The following LITAF variants were observed in gnomAD, a reference collection of about 807,000 sequenced individuals.
The protein encoded by LITAF is lipopolysaccharide induced TNF factor, also known as lipopolysaccharide-induced tumor necrosis factor-alpha factor.
In LITAF, 9 loss-of-function variants were observed where a neutral mutation model predicts 14.5. The ratio of observed to expected loss-of-function variants is 0.62; its 90% confidence interval spans 0.37 to 1.08. The LOEUF (loss-of-function observed/expected upper bound fraction) is 1.08. Ranked by LOEUF, LITAF falls within the 50% of genes least tolerant of loss-of-function variation. The pLI is 0.01. For synonymous variants in LITAF, 98 were observed against 88.2 expected (o/e 1.11, Z -0.62); for missense variants, 206 against 213.4 (o/e 0.97, Z 0.22).
chr16:11,637,479 T>TG (rs2065142441), upstream of LITAF, among the ~76,000 whole-genome samples: 1 of 152,222 alleles, frequency 6.6e-6, no homozygotes, highest in Non-Finnish European at 1.5e-5. Flanking sequence ...TGCTGGCAGC[T>TG]GGGGACCTGG....
chr16:11,620,835 G>A (rs1313150028), intron 3 of LITAF, among the ~76,000 whole-genome samples: 1 of 152,198 alleles, frequency 6.6e-6, no homozygotes, highest in Non-Finnish European at 1.5e-5. Context: ...TCATGGCCCT[G>A]CCCACATCTC....
Position 11,596,452 on chromosome 16 carries a change from A to AGAGGAG in LITAF, c.-6+1930_-6+1935dup, listed in dbSNP as rs75949027. ...ATCTGATGCAGAATGAAATCCCAAT[A>AGAGGAG]GAGGAGGAGGAGGAGGAAGAGAGAA... On this transcript the variant is annotated intron_variant, in intron 1 of 3. Transcript: ENST00000571627. Among the ~76,000 whole-genome samples the AGAGGAG allele has an allele frequency of 4.9e-3, 396 of 80,386 alleles. 10 individuals carry two copies. The highest frequency in any genetic ancestry group is 0.024 in the African/African-American group (362 of 15,216). 52.7% of individuals were successfully genotyped at this position (80,386 alleles called of 152,430 possible). A position where few individuals can be genotyped will look rare whatever the true frequency, so the allele number is the denominator to read the frequency against.
intron 1 of LITAF, among the ~76,000 whole-genome samples, chr16:11,598,193 C>T (rs867407795): frequency 4.6e-5 from 7 of 151,984 alleles, no homozygotes; most frequent in Admixed American, 1.3e-4. Context: ...CCTCTGTGCC[C>T]GGCCAAAAGC....
At chr16:11,639,358 G>A (rs2065155243), upstream of LITAF, among the ~76,000 whole-genome samples, 1 of 145,864 alleles carries the variant, frequency 6.9e-6, no homozygotes, top group Admixed American at 7.0e-5. Flanking sequence ...TTAGTGGGGG[G>A]AAGAATAAAT....
exon 1 of LITAF, chr16:11,598,420 T>C (rs1333918323): frequency 2.0e-5 from 3 of 152,228 alleles, no homozygotes; most frequent in Admixed American, 6.6e-5. Flanking sequence ...TTCCCGAAAT[T>C]TGAACCTCCA....
chr16:11,559,790 T>C (rs914144203), intron 1 of LITAF, among the ~76,000 whole-genome samples: 3 of 148,500 alleles, frequency 2.0e-5, no homozygotes, highest in South Asian at 2.1e-4. Context: ...AGCCCAGGCA[T>C]TCTAGATCAG....
intron 1 of LITAF, among the ~76,000 whole-genome samples, chr16:11,562,341 A>G (rs1366718678): frequency 1.3e-5 from 2 of 148,962 alleles, no homozygotes. Context: ...AAAAAAAAGA[A>G]GGAAGAAAAG....
Position 11,580,536 on chromosome 16 carries a change from G to A in LITAF, c.-6+6350C>T, listed in dbSNP as rs142687005. Among the ~76,000 whole-genome samples the A allele has an allele frequency of 1.9e-3, 292 of 152,168 alleles. 1 individual carries two copies. The highest frequency in any genetic ancestry group is 6.6e-3 in the African/African-American group (274 of 41,530). Reference sequence around the variant, plus strand: ...CTCCCAAAGTGCTGGTATTACAGGCGTGAGCCACCGTGCCTGGCTGGAAGA... The same window carrying A: ...CTCCCAAAGTGCTGGTATTACAGGCATGAGCCACCGTGCCTGGCTGGAAGA... On this transcript the variant is annotated intron_variant, in intron 1 of 3. Transcript: ENST00000622633.
chr16:11,636,499 T>C (rs1207325799), upstream of LITAF: 8 of 152,266 alleles, frequency 5.3e-5, no homozygotes, highest in African/African-American at 1.9e-4. Context: ...GAAGAACTGG[T>C]TAGGACTAGG....
chr16:11,574,999 C>T (rs1298484191), intron 1 of LITAF, among the ~76,000 whole-genome samples: 1 of 152,126 alleles, frequency 6.6e-6, no homozygotes, highest in Non-Finnish European at 1.5e-5. Flanking sequence ...GACAGGGTTT[C>T]ACCATGTTGG....
At chr16:11,585,093 C>A (rs55947021) in intron 1 of LITAF, among the ~76,000 whole-genome samples, 23,146 of 151,742 alleles carry the variant, frequency 0.15, 1,913 homozygotes, top group South Asian at 0.23. Flanking sequence ...CTGTAATCCC[C>A]GCTACTTGGG....
At chr16:11,587,350 C>T (rs1208477815), upstream of LITAF, 1 of 451,822 alleles carries the variant, frequency 2.2e-6, no homozygotes, top group Non-Finnish European at 4.4e-6. Context: ...CGACCCCGGA[C>T]CCGCGCTGGG....
At chr16:11,556,831 A>C (rs2064278791) in intron 1 of LITAF, 96 bp from the exon 2 acceptor site, 1 of 1,097,612 alleles carries the variant, frequency 9.1e-7, no homozygotes, top group African/African-American at 1.5e-5. Context: ...GCAAACAGAA[A>C]TTCTGAGAAA....
chr16:11,553,832 G>T lies in LITAF; in HGVS notation c.221-143C>A. ...GTTCATAGCATGCGTTCATCGTCTG[G>T]CTATCTATGAGAGCCAAAAGGGGAA... On this transcript the variant is annotated intron_variant, in intron 2 of 3. Transcript: ENST00000622633. This position sits in a 1 kb window ranked among gnomAD's most constrained non-coding sequence, Gnocchi z 7.7. The T allele has an allele frequency of 2.1e-6, 2 of 946,242 alleles. No homozygotes were observed. The highest frequency in any genetic ancestry group is 3.2e-6 in the Non-Finnish European group (2 of 620,570). The allele number at this position is 946,242 out of a possible 1,614,324, so 58.6% of individuals were successfully genotyped here. A position where few individuals can be genotyped will look rare whatever the true frequency, so the allele number is the denominator to read the frequency against.
intron 1 of LITAF, among the ~76,000 whole-genome samples, chr16:11,574,760 C>G (rs1233525704): frequency 6.6e-6 from 1 of 151,690 alleles, no homozygotes; most frequent in Non-Finnish European, 1.5e-5. Context: ...CTATATCAAC[C>G]CCAAAATTTG....
At position 11,549,570 on chromosome 16, in the gene LITAF, G is replaced by T; in HGVS notation, c.*67C>A. The T allele has an allele frequency of 8.3e-7, 1 of 1,205,550 alleles. No homozygotes were observed. The highest frequency in any genetic ancestry group is 1.2e-6 in the Non-Finnish European group (1 of 827,564). The allele number at this position is 1,205,550 out of a possible 1,614,324, so 74.7% of individuals were successfully genotyped here. A position where few individuals can be genotyped will look rare whatever the true frequency, so the allele number is the denominator to read the frequency against. On this transcript the variant is annotated 3_prime_UTR_variant, in exon 4 of 4. Coordinates refer to ENST00000622633, the MANE Select transcript of LITAF (RefSeq NM_001136472.2). This position sits in a 1 kb window ranked among gnomAD's most constrained non-coding sequence, Gnocchi z 4.6. ...CACCAGGGCAGAACCTCCACCAGGC[G>T]TGAAGCTGGATGAGAGGTGGAAAGG...
chr16:11,555,427 G>A (rs1284782505), intron 2 of LITAF, among the ~76,000 whole-genome samples: 1 of 152,168 alleles, frequency 6.6e-6, no homozygotes, highest in Non-Finnish European at 1.5e-5. Context: ...GAGGCCAAGG[G>A]AGGTGGGAAG....
At chr16:11,559,203 C>A (rs1409214235) in intron 1 of LITAF, among the ~76,000 whole-genome samples, 1 of 152,118 alleles carries the variant, frequency 6.6e-6, no homozygotes, top group Non-Finnish European at 1.5e-5. Flanking sequence ...CTACAGTGAG[C>A]CATGATCATG....
chr16:11,548,252 G>C lies in LITAF; in HGVS notation c.*1385C>G, dbSNP rs1177238205. ...ATCAAAACGAGGACCCTTGAAGGTC[G>C]AGCCCAGCTTTGTCTTGACTTCAAA... On this transcript the variant is annotated 3_prime_UTR_variant, in exon 4 of 4. Transcript: ENST00000622633. The C allele has an allele frequency of 2.2e-6, 1 of 454,008 alleles. No homozygotes were observed. Among genetic ancestry groups the C allele is most frequent in the Non-Finnish European group, 4.4e-6 (1 of 226,776 alleles). 28.1% of individuals were successfully genotyped at this position (454,008 alleles called of 1,614,324 possible).
Sources: allele counts gnomAD v4.1 joint callset (sites outside exome capture counted in the v4.1 genomes callset), GRCh38; gene constraint gnomAD v4.1.1; non-coding constraint Gnocchi (gnomAD v3.1); transcripts MANE v1.5; gene names NCBI Gene and HGNC (gene_info 2026-07-23, HGNC 2026-07-21).